Variants in CDK5RAP2 observed in about 807,000 individuals in gnomAD.
The protein encoded by CDK5RAP2 is CDK5 regulatory subunit-associated protein 2.
A neutral mutation model predicts 232.9 loss-of-function variants in CDK5RAP2; 147 were observed. The ratio of observed to expected loss-of-function variants is 0.63; its 90% CI spans 0.55 to 0.72. The LOEUF is 0.72. CDK5RAP2 is among the 30% of genes least tolerant of loss of function. The pLI is 0.00. For synonymous variants in CDK5RAP2, 833 were observed against 833.7 expected, an observed-to-expected ratio of 1.00 and a Z score of 0.01; for missense variants, 2,195 against 2,231.5, an observed-to-expected ratio of 0.98 and a Z score of 0.33.
At chr9:120,564,459 C>T (rs1366254006) in intron 3 of CDK5RAP2, among the ~76,000 whole-genome samples, 1 of 145,726 alleles carries the variant, frequency 6.9e-6, no homozygotes, top group Non-Finnish European at 1.5e-5. Context: ...CACTCCACTC[C>T]AGCCTGGGCA....
intron 10 of CDK5RAP2, among the ~76,000 whole-genome samples, chr9:120,527,470 C>T (rs1564341245): frequency 6.6e-6 from 1 of 151,610 alleles, no homozygotes; most frequent in Non-Finnish European, 1.5e-5. Context: ...TGTTGACTAT[C>T]TCAATATTTT....
intron 14 of CDK5RAP2, 24 bp from the exon 15 acceptor site, chr9:120,477,474 A>C (rs774350771): frequency 1.3e-6 from 2 of 1,516,882 alleles, no homozygotes; most frequent in South Asian, 2.2e-5. Context: ...TGGGCATTTG[A>C]CATTAAGGAA....
chr9:120,564,739 G>C (rs1036822586), intron 3 of CDK5RAP2, among the ~76,000 whole-genome samples: 8 of 152,126 alleles, frequency 5.3e-5, no homozygotes, highest in Admixed American at 1.3e-4. Context: ...CAAAAGCCAA[G>C]ATTAAACTCT....
At chr9:120,556,565 A>T (rs1255227258) in intron 3 of CDK5RAP2, among the ~76,000 whole-genome samples, 1 of 151,868 alleles carries the variant, frequency 6.6e-6, no homozygotes, top group East Asian at 1.9e-4. Context: ...AGTAGCTGGG[A>T]TTACAGGTGG....
chr9:120,467,281 T>C (rs2037434623), intron 18 of CDK5RAP2, among the ~76,000 whole-genome samples: 1 of 152,214 alleles, frequency 6.6e-6, no homozygotes, highest in African/African-American at 2.4e-5. Context: ...ATTATCTGGG[T>C]GGTTTGGAAA....
intron 22 of CDK5RAP2, among the ~76,000 whole-genome samples, chr9:120,444,379 A>T (rs1006467726): frequency 6.6e-6 from 1 of 152,212 alleles, no homozygotes; most frequent in Admixed American, 6.5e-5. Flanking sequence ...ACAACCCTGT[A>T]TTGATTTAGT....
chr9:120,568,383 G>A lies in CDK5RAP2; in HGVS notation c.133C>T (p.Pro45Ser), dbSNP rs1252634402. 11 of 1,612,558 alleles carry A rather than the reference G, an allele frequency of 6.8e-6. No homozygotes were observed. The highest frequency in any genetic ancestry group is 1.7e-6 in the Non-Finnish European group (2 of 1,178,718). The part of the protein sequence containing the change: ...PNAGLGNGLL[P>S]NVSEETVSPT... ...GACACTGTTTCTTCTGACACATTTGGGAGCACTGTAAAAAGGTAAAATAGA... is the reference window on the plus strand; with the variant it reads ...GACACTGTTTCTTCTGACACATTTGAGAGCACTGTAAAAAGGTAAAATAGA... Residue 45 changes from proline to serine, a missense_variant, in exon 3 of 38, where the codon CCA becomes TCA. By Grantham distance (74) the Pro-to-Ser change is moderately conservative (BLOSUM62 -1). Transcript: ENST00000349780.
chr9:120,436,304 C>G (rs2035574425), intron 25 of CDK5RAP2, among the ~76,000 whole-genome samples: 1 of 152,070 alleles, frequency 6.6e-6, no homozygotes, highest in South Asian at 2.1e-4. Context: ...AGGGGCTAGC[C>G]TGAACTATTG....
At chr9:120,550,686 G>T in intron 4 of CDK5RAP2, 106 bp downstream of exon 4, 1 of 775,460 alleles carries the variant, frequency 1.3e-6, no homozygotes, top group South Asian at 1.4e-5. Flanking sequence ...TTAAATGAAA[G>T]CATCTCTATT....
Position 120,411,356 on chromosome 9 carries a change from ACCTCTGGAT to A in CDK5RAP2, c.4407_4414+1del. The A allele has an allele frequency of 6.4e-7, 1 of 1,552,438 alleles. No homozygotes were observed. Among genetic ancestry groups the A allele is most frequent in the Non-Finnish European group, 8.9e-7 (1 of 1,123,820 alleles). ...ACTTCCAGTGACTCCTTTAACTCTTACCTCTGGATCCTTTAATGAGCATTGCATTGAGGG... is the reference window on the plus strand; with the variant it reads ...ACTTCCAGTGACTCCTTTAACTCTTACCTTTAATGAGCATTGCATTGAGGG... On this transcript the variant is annotated splice_donor_variant and coding_sequence_variant, in exon 29 of 38. Coordinates refer to ENST00000349780, the MANE Select transcript of CDK5RAP2 (RefSeq NM_018249.6). LOFTEE classifies it high-confidence loss of function.
At chr9:120,411,256 C>A in intron 29 of CDK5RAP2, 102 bp downstream of exon 29, 1 of 786,928 alleles carries the variant, frequency 1.3e-6, no homozygotes, top group South Asian at 1.4e-5. Flanking sequence ...CACAGAGCCA[C>A]AGGATTCATA....
At position 120,509,125 on chromosome 9, in the gene CDK5RAP2, G is replaced by A. The variant is rs569366735; in HGVS notation, c.1311+9302C>T. 1.6e-3 allele frequency among the ~76,000 whole-genome samples: 241 copies of A among 152,260 alleles called. 4 individuals are homozygous for A. Among genetic ancestry groups the A allele is most frequent in the African/African-American group, 5.0e-3 (209 of 41,574 alleles). On this transcript the variant is annotated intron_variant, in intron 12 of 37. Transcript: ENST00000349780. Reference sequence around the variant, plus strand: ...CTCCAGAGTTTCTCAATAGCAGAGCGCTCCGACTCCCTTCTTATAGGGATC... The same window carrying A: ...CTCCAGAGTTTCTCAATAGCAGAGCACTCCGACTCCCTTCTTATAGGGATC...
chr9:120,576,488 G>A (rs2132237938), intron 1 of CDK5RAP2, among the ~76,000 whole-genome samples: 1 of 152,278 alleles, frequency 6.6e-6, no homozygotes, highest in East Asian at 1.9e-4. Flanking sequence ...GATCACCTGA[G>A]GTCAAGAGTT....
chr9:120,417,326 A>G (rs1163824512), intron 27 of CDK5RAP2, among the ~76,000 whole-genome samples: 47 of 104,142 alleles, frequency 4.5e-4, no homozygotes, highest in Middle Eastern at 7.7e-3. Context: ...GCACCTCCCC[A>G]CTCCTTAAAC....
At position 120,389,186 on chromosome 9, in the gene CDK5RAP2, A is replaced by G. The variant is rs951522867; in HGVS notation, c.*50T>C. 6.1e-6 allele frequency: 9 copies of G among 1,470,820 alleles called. No individual in the cohort carries two copies. Among genetic ancestry groups the G allele is most frequent in the Non-Finnish European group, 8.5e-6 (9 of 1,055,712 alleles). 91.1% of individuals were successfully genotyped at this position (1,470,820 alleles called of 1,614,324 possible). ...GGAACCACACTTGGAACAAAGAGACAGCGTGAGCTCGGTGGGGGAAGCACA... is the reference window on the plus strand; with the variant it reads ...GGAACCACACTTGGAACAAAGAGACGGCGTGAGCTCGGTGGGGGAAGCACA... On this transcript the variant is annotated 3_prime_UTR_variant, in exon 38 of 38. Coordinates refer to ENST00000349780, the MANE Select transcript of CDK5RAP2 (RefSeq NM_018249.6).
chr9:120,518,905 A>G (rs1351756971), intron 11 of CDK5RAP2, among the ~76,000 whole-genome samples: 1 of 152,144 alleles, frequency 6.6e-6, no homozygotes, highest in Non-Finnish European at 1.5e-5. Flanking sequence ...AGCTGGGCAC[A>G]GTGGCTCACA....
chr9:120,415,160 C>A lies in CDK5RAP2; in HGVS notation c.4178-1G>T. 6.2e-7 allele frequency: 1 copy of A among 1,613,970 alleles called. No homozygotes were observed. The highest frequency in any genetic ancestry group is 1.1e-5 in the South Asian group (1 of 91,060). On this transcript the variant is annotated splice_acceptor_variant, in intron 27 of 37. Transcript: ENST00000349780. LOFTEE classifies it high-confidence loss of function. ...TCCTGTATGTGTTCCATTAGTAAGT[C>A]TACAGGAAGGAAGCCATTTTTAATT...
intron 25 of CDK5RAP2, among the ~76,000 whole-genome samples, chr9:120,437,056 C>T (rs1021455289): frequency 3.3e-5 from 5 of 152,238 alleles, no homozygotes; most frequent in African/African-American, 7.2e-5. Context: ...TCATGTACCT[C>T]ACCAGCCCGG....
rs539407181 is a variant in CDK5RAP2, at chr9:120,459,926, G to A, written c.2202+646C>T. 5.6e-4 allele frequency among the ~76,000 whole-genome samples: 85 copies of A among 152,272 alleles called. 1 individual carries two copies. Among genetic ancestry groups the A allele is most frequent in the Middle Eastern group, 3.4e-3 (1 of 294 alleles). On this transcript the variant is annotated intron_variant, in intron 19 of 37. Transcript: ENST00000349780. ...AGTCTCTAGGGTTCTTTCAACCTTG[G>A]AGACTGCTTGGAGTCTCCTACTTAT...
Sources: gnomAD v4.1 joint callset for allele counts (sites outside exome capture counted in the v4.1 genomes callset) on GRCh38, gnomAD v4.1.1 for gene constraint, MANE v1.5 for transcripts, NCBI Gene and HGNC (gene_info 2026-07-23, HGNC 2026-07-21) for gene names.